Variants in GLIS3 observed in about 807,000 individuals in gnomAD.
GLIS3 encodes zinc finger protein GLIS3.
Under a neutral mutation model 78.6 loss-of-function variants are expected in GLIS3, and 53 were observed. The ratio of observed to expected loss-of-function variants is 0.67; its 90% confidence interval spans 0.54 to 0.85. The LOEUF is 0.85. Among genes scored for constraint, GLIS3 ranks in the 40% least tolerant of loss-of-function variants. The pLI is 0.00. For synonymous variants in GLIS3, 684 were observed against 509.9 expected (o/e 1.34, Z -4.60); for missense variants, 1,703 against 1,231.1 (o/e 1.38, Z -5.74).
intron 4 of GLIS3, among the ~76,000 whole-genome samples, chr9:4,081,049 G>A (rs1176001131): frequency 2.6e-5 from 4 of 152,106 alleles, no homozygotes; most frequent in Admixed American, 6.5e-5. Flanking sequence ...CCTTGATTAC[G>A]GCAGTAGAGG....
At chr9:4,191,937 GTT>G (rs1818367808) in intron 2 of GLIS3, among the ~76,000 whole-genome samples, 1 of 152,014 alleles carries the variant, frequency 6.6e-6, no homozygotes, top group African/African-American at 2.4e-5. Flanking sequence ...CCAAAATTTT[GTT>G]AAAGGAGGTT....
At chr9:4,042,936 A>C (rs1201884041) in intron 4 of GLIS3, among the ~76,000 whole-genome samples, 1 of 143,574 alleles carries the variant, frequency 7.0e-6, no homozygotes, top group East Asian at 2.1e-4. Context: ...AAGTCATTAG[A>C]GCTTGCTTGA....
intron 9 of GLIS3, 104 bp downstream of exon 9, chr9:3,855,905 G>A (rs1014472966): frequency 4.9e-6 from 6 of 1,228,816 alleles, no homozygotes; most frequent in African/African-American, 4.5e-5. Flanking sequence ...GCCTAAGCCT[G>A]GTGTAGAACA....
At chr9:4,101,147 C>T (rs150800899) in intron 4 of GLIS3, among the ~76,000 whole-genome samples, 134 of 152,282 alleles carry the variant, frequency 8.8e-4, no homozygotes, top group African/African-American at 3.0e-3. Context: ...GGTGTATGAC[C>T]TTACATAAAA....
chr9:3,879,306 C>G (rs1023112710), intron 8 of GLIS3, 121 bp downstream of exon 8: 12 of 923,254 alleles, frequency 1.3e-5, no homozygotes, highest in Non-Finnish European at 1.8e-5. Flanking sequence ...TAAAATGTCA[C>G]CTTTGGGTAA....
At chr9:3,958,461 G>A (rs1418744778) in intron 4 of GLIS3, among the ~76,000 whole-genome samples, 1 of 152,152 alleles carries the variant, frequency 6.6e-6, no homozygotes, top group East Asian at 1.9e-4. Flanking sequence ...GCTAGTTGGG[G>A]TTGGAGTCAG....
At chr9:4,286,006 A>C in intron 2 of GLIS3, 32 bp downstream of exon 2, 3 of 1,613,902 alleles carry the variant, frequency 1.9e-6, no homozygotes, top group Middle Eastern at 1.6e-4. Flanking sequence ...AATCGTTTCC[A>C]TTTTTAAAAG....
At chr9:4,059,829 T>TGTGTGTGAGAGAGAGAGAGA in intron 4 of GLIS3, among the ~76,000 whole-genome samples, 28 of 100,704 alleles carry the variant, frequency 2.8e-4, no homozygotes, top group South Asian at 4.0e-4. Flanking sequence ...TGTGTGTGTG[T>TGTGTGTGAGAGAGAGAGAGA]GAGAGAGAGA....
At chr9:4,031,525 C>G (rs1823831328) in intron 4 of GLIS3, among the ~76,000 whole-genome samples, 1 of 152,176 alleles carries the variant, frequency 6.6e-6, no homozygotes, top group Non-Finnish European at 1.5e-5. Flanking sequence ...GTAGATTTAT[C>G]TTAGGGCGAT....
chr9:4,286,250 T>C lies in GLIS3; in HGVS notation c.176A>G (p.His59Arg). The change falls in exon 2 of 11, where the codon CAT (histidine) becomes CGT (arginine). Residue 59 changes from histidine to arginine, a missense_variant. Coordinates refer to ENST00000381971, the MANE Select transcript of GLIS3 (RefSeq NM_001042413.2). ...CCCTCCTCCTGAGGGCATCTTGAGA[T>C]GGAGGTTGTTAGCAAGGCTTGCCAT... ...PTMASLANNLHLKMPSGGGMA... is the reference protein window; with the variant it reads ...PTMASLANNLRLKMPSGGGMA... 1 of 1,614,198 alleles carries C rather than the reference T, an allele frequency of 6.2e-7. No individual in the cohort carries two copies. Among genetic ancestry groups the C allele is most frequent in the Non-Finnish European group, 8.5e-7 (1 of 1,180,032 alleles).
rs1342097766 is a variant in GLIS3 at position 4,299,517 on chromosome 9, G to A, written c.-195C>T. On this transcript the variant is annotated 5_prime_UTR_variant, in exon 1 of 11. Transcript: ENST00000381971. ...AGCGGGCGGCCGGCGCTGGCGAGGA[G>A]TAACTTGGGGCTCCAGCCCTTCAGA... 1.3e-5 allele frequency: 2 copies of A among 152,606 alleles called. No homozygotes were observed. Among genetic ancestry groups the A allele is most frequent in the African/African-American group, 2.4e-5 (1 of 41,474 alleles). 9.5% of individuals were successfully genotyped at this position (152,606 alleles called of 1,614,324 possible). A position where few individuals can be genotyped will look rare whatever the true frequency, so the allele number is the denominator to read the frequency against.
At chr9:3,920,361 G>C (rs1824803368) in intron 6 of GLIS3, among the ~76,000 whole-genome samples, 2 of 152,176 alleles carry the variant, frequency 1.3e-5, no homozygotes, top group Non-Finnish European at 2.9e-5. Context: ...TGGTTGAAGA[G>C]ATAAAAGTGG....
intron 4 of GLIS3, among the ~76,000 whole-genome samples, chr9:4,003,941 A>G (rs777199974): frequency 6.6e-6 from 1 of 152,208 alleles, no homozygotes; most frequent in Non-Finnish European, 1.5e-5. Flanking sequence ...GGGCTTTTTC[A>G]TTAGTACATT....
intron 2 of GLIS3, among the ~76,000 whole-genome samples, chr9:4,220,066 A>T (rs1821186180): frequency 6.6e-6 from 1 of 152,246 alleles, no homozygotes; most frequent in Non-Finnish European, 1.5e-5. Context: ...ACATTTTTAT[A>T]GGACTCAACA....
intron 2 of GLIS3, among the ~76,000 whole-genome samples, chr9:4,322,942 T>G (rs1362343230): frequency 6.6e-6 from 1 of 152,214 alleles, no homozygotes; most frequent in Non-Finnish European, 1.5e-5. Flanking sequence ...CATTTTGGCT[T>G]TTGTTGCCAT....
the GLIS3 span, among the ~76,000 whole-genome samples, chr9:4,353,879 G>A: frequency 2.6e-5 from 4 of 152,152 alleles, no homozygotes; most frequent in Non-Finnish European, 4.4e-5. Context: ...CCAGGATGGA[G>A]TGCAGTGGCG....
At chr9:4,248,451 G>A (rs1039119799) in intron 2 of GLIS3, among the ~76,000 whole-genome samples, 1 of 152,112 alleles carries the variant, frequency 6.6e-6, no homozygotes, top group African/African-American at 2.4e-5. Context: ...AGTATTCCAT[G>A]GTGTATATGT....
intron 2 of GLIS3, among the ~76,000 whole-genome samples, chr9:4,252,014 C>T (rs571340057): frequency 1.3e-5 from 2 of 152,174 alleles, no homozygotes; most frequent in Admixed American, 6.5e-5. Context: ...GTAACCGGAC[C>T]TTTCTCTCTG....
intron 4 of GLIS3, among the ~76,000 whole-genome samples, chr9:4,020,564 A>C (rs1031965232): frequency 6.6e-6 from 1 of 152,196 alleles, no homozygotes; most frequent in African/African-American, 2.4e-5. Context: ...TTTATGTGCA[A>C]TCTAAGAGGC....
Sources: gnomAD v4.1 joint callset for allele counts (sites outside exome capture counted in the v4.1 genomes callset) on GRCh38, gnomAD v4.1.1 for gene constraint, MANE v1.5 for transcripts, NCBI Gene and HGNC (gene_info 2026-07-23, HGNC 2026-07-21) for gene names.